Variants in MORC2 observed in about 807,000 individuals in gnomAD.
The protein encoded by MORC2 is MORC family CW-type zinc finger 2, also known as ATPase MORC2.
Under a neutral mutation model 136.0 loss-of-function variants are expected in MORC2, and 30 were observed. That is an observed-to-expected ratio of 0.22 (90% CI 0.17 to 0.30). The LOEUF is 0.30. Ranked by LOEUF, MORC2 falls within the 10% of genes least tolerant of loss-of-function variation. The pLI, the probability that MORC2 is intolerant of heterozygous loss-of-function variation, is 1.00. For missense variants in MORC2, 922 were observed against 1,333.1 expected (o/e 0.69, Z 4.80); for synonymous variants, 439 against 487.0 (o/e 0.90, Z 1.30).
intron 25 of MORC2, among the ~76,000 whole-genome samples, chr22:30,927,100 T>C (rs1286486609): frequency 6.6e-6 from 1 of 151,926 alleles, no homozygotes; most frequent in African/African-American, 2.4e-5. Flanking sequence ...TACCCCATGT[T>C]CCCAATTGTC....
intron 24 of MORC2, among the ~76,000 whole-genome samples, chr22:30,928,478 G>T (rs545617451): frequency 6.6e-6 from 1 of 152,346 alleles, no homozygotes; most frequent in African/African-American, 2.4e-5. Flanking sequence ...GTGAGGACGC[G>T]TGAGGGGCGA....
chr22:30,954,952 A>ATTTTTTT lies in MORC2; in HGVS notation c.157+1804_157+1810dup, dbSNP rs34059352. Among the ~76,000 whole-genome samples, 8 of 105,320 alleles carry ATTTTTTT rather than the reference A, an allele frequency of 7.6e-5. 1 individual carries two copies. Among genetic ancestry groups the ATTTTTTT allele is most frequent in the African/African-American group, 1.1e-4 (3 of 27,126 alleles). The allele number at this position is 105,320 out of a possible 152,430, so 69.1% of individuals were successfully genotyped here. ...AAAGGCACCTCCATCTGGCCTGAGC[A>ATTTTTTT]TTTTTTTTTTTTTTTTTTTTTTTGA... On this transcript the variant is annotated intron_variant, in intron 3 of 25. Coordinates refer to ENST00000397641, the MANE Select transcript of MORC2 (RefSeq NM_001303256.3).
rs1424834448 is a variant in MORC2, at chr22:30,938,151, G to T, written c.1128C>A (p.His376Gln). 1.2e-6 allele frequency: 2 copies of T among 1,614,024 alleles called. No individual in the cohort carries two copies. Among genetic ancestry groups the T allele is most frequent in the Non-Finnish European group, 1.7e-6 (2 of 1,180,004 alleles). ...LNFVFGVNIE[H>Q]RDLDGMFIYN... ...AGATGAACATGCCATCCAGATCCCG[G>T]TGTTCAATGTTGACACCAAAAACAA... Residue 376 changes from histidine to glutamine, a missense_variant, in exon 13 of 26, where the codon CAC (histidine) becomes CAA (glutamine). This residue lies in a region of MORC2 where 16 missense variants were observed against 75.6 expected (regional missense o/e 0.21). Transcript: ENST00000397641.
chr22:30,932,577 G>C lies in MORC2; in HGVS notation c.2715C>G (p.His905Gln). 6.2e-7 allele frequency: 1 copy of C among 1,614,146 alleles called. No homozygotes were observed. The highest frequency in any genetic ancestry group is 8.5e-7 in the Non-Finnish European group (1 of 1,180,026). ...EPDTTALSTN[H>Q]ETIDLLVQIL... ...TCTGGACAAGCAGGTCGATGGTCTC[G>C]TGATTGGTGCTCAGGGCAGTGGTGT... Residue 905 changes from histidine (H) to glutamine (Q), a missense_variant, in exon 23 of 26, where the codon CAC (histidine) becomes CAG (glutamine). Around this residue, in one of 9 missense-constraint regions of MORC2, gnomAD observed 263 missense variants for 388.3 expected, o/e 0.68. Transcript: ENST00000397641. This position sits in a 1 kb window ranked among gnomAD's most constrained non-coding sequence, Gnocchi z 4.4.
intron 2 of MORC2, among the ~76,000 whole-genome samples, chr22:30,958,231 C>A (rs1223785820): frequency 6.6e-6 from 1 of 152,176 alleles, no homozygotes; most frequent in African/African-American, 2.4e-5. Context: ...TGAGAAGACA[C>A]AGAACTTTGG....
chr22:30,933,930 G>C (rs1262841247), intron 20 of MORC2, 130 bp downstream of exon 20: 4 of 1,098,282 alleles, frequency 3.6e-6, no homozygotes, highest in Non-Finnish European at 5.3e-6. Flanking sequence ...CTGGTGGGGG[G>C]GGTAGACTGC....
rs1160671998 is a variant in MORC2, at chr22:30,934,219, A to AG, written c.2194-29dup. ...AGAGCAAGAGGAGCGTGAGGATGTGAGGGGCCCTGTTCAGCCTCTAAGGAG... is the reference window on the plus strand; with the variant it reads ...AGAGCAAGAGGAGCGTGAGGATGTGAGGGGGCCCTGTTCAGCCTCTAAGGAG... On this transcript the variant is annotated intron_variant, in intron 19 of 25. Transcript: ENST00000397641. The surrounding 1 kb of genome is among the most constrained non-coding windows in gnomAD (Gnocchi z 4.4). 6.2e-7 allele frequency: 1 copy of AG among 1,613,894 alleles called. No homozygotes were observed. The highest frequency in any genetic ancestry group is 1.3e-5 in the African/African-American group (1 of 75,016).
chr22:30,959,985 G>C (rs1602511635), intron 1 of MORC2, among the ~76,000 whole-genome samples: 1 of 152,112 alleles, frequency 6.6e-6, no homozygotes, highest in South Asian at 2.1e-4. Flanking sequence ...TTTTGTTTTT[G>C]AGACAGAGTT....
At chr22:30,961,221 T>A (rs1200057888) in intron 1 of MORC2, among the ~76,000 whole-genome samples, 7 of 150,946 alleles carry the variant, frequency 4.6e-5, no homozygotes, top group South Asian at 4.2e-4. Context: ...AGTAAAAATT[T>A]AAAAAAAAAA....
At chr22:30,942,864 G>A (rs1280453258) in intron 6 of MORC2, among the ~76,000 whole-genome samples, 1 of 152,096 alleles carries the variant, frequency 6.6e-6, no homozygotes, top group East Asian at 1.9e-4. Context: ...AATTAGCCGG[G>A]CGTGGCAGCG....
At chr22:30,935,413 A>T in intron 17 of MORC2, 91 bp from the exon 18 acceptor site, 1 of 1,308,782 alleles carries the variant, frequency 7.6e-7, no homozygotes, top group Non-Finnish European at 1.1e-6. Context: ...GGGACAAAAA[A>T]AATAGAAAAC....
chr22:30,927,982 G>A, intron 25 of MORC2, 37 bp downstream of exon 25: 1 of 1,610,392 alleles, frequency 6.2e-7, no homozygotes, highest in South Asian at 1.1e-5. Context: ...TGAGAGACCA[G>A]GTGGTCCAGC....
intron 2 of MORC2, 25 bp from the exon 3 acceptor site, chr22:30,956,822 A>G: frequency 6.6e-7 from 1 of 1,520,462 alleles, no homozygotes; most frequent in Non-Finnish European, 8.9e-7. Context: ...GAAAAGAATC[A>G]TGTGAATTAA....
chr22:30,954,952 ATTTTTTT>A (rs34059352), intron 3 of MORC2, among the ~76,000 whole-genome samples: 2,106 of 105,318 alleles, frequency 0.02, 64 homozygotes, highest in African/African-American at 0.074. Context: ...TGGCCTGAGC[ATTTTTTT>A]TTTTTTTTTT....
chr22:30,933,102 G>A, intron 21 of MORC2, 72 bp from the exon 22 acceptor site: 3 of 1,588,898 alleles, frequency 1.9e-6, no homozygotes, highest in Non-Finnish European at 2.6e-6. Context: ...GCCACATCGA[G>A]AAAGGCAGTC....
Position 30,953,850 on chromosome 22 carries a change from CT to C in MORC2, c.157+2912del, listed in dbSNP as rs549580085. Among the ~76,000 whole-genome samples, 12 of 152,156 alleles carry C rather than the reference CT, an allele frequency of 7.9e-5. No homozygotes were observed. The East Asian group carries it at 2.1e-3, about 27-fold the overall frequency. On this transcript the variant is annotated intron_variant, in intron 3 of 25. Coordinates refer to ENST00000397641, the MANE Select transcript of MORC2 (RefSeq NM_001303256.3). ...TTGAGAGGCTGGCTCCTTTTTTGCCCTTTTTAGGTTTAAAAATGGTCTTTAA... is the reference window on the plus strand; with the variant it reads ...TTGAGAGGCTGGCTCCTTTTTTGCCCTTTTAGGTTTAAAAATGGTCTTTAA...
intron 12 of MORC2, 130 bp from the exon 13 acceptor site, chr22:30,938,335 G>T: frequency 9.6e-7 from 1 of 1,037,096 alleles, no homozygotes; most frequent in Non-Finnish European, 1.4e-6. Context: ...TATTTGATGT[G>T]TAACCTGTTA....
chr22:30,955,944 T>C (rs1365044496), intron 3 of MORC2, among the ~76,000 whole-genome samples: 1 of 149,704 alleles, frequency 6.7e-6, no homozygotes, highest in Non-Finnish European at 1.5e-5. Context: ...GAGATGGAGG[T>C]TGCAGTGAGG....
Position 30,933,043 on chromosome 22 carries a change from A to T in MORC2, c.2381-13T>A. ...TGCAGCCCTTTATCTGACAATGTAG[A>T]CAGAGGTGCGAGTCAGAAAACTAGC... On this transcript the variant is annotated splice_polypyrimidine_tract_variant and intron_variant, in intron 21 of 25. Coordinates refer to ENST00000397641, the MANE Select transcript of MORC2 (RefSeq NM_001303256.3). The T allele has an allele frequency of 6.2e-7, 1 of 1,613,454 alleles. No homozygotes were observed. Among genetic ancestry groups the T allele is most frequent in the Non-Finnish European group, 8.5e-7 (1 of 1,179,960 alleles).
Sources: allele counts gnomAD v4.1 joint callset (sites outside exome capture counted in the v4.1 genomes callset), GRCh38; gene constraint gnomAD v4.1.1; regional missense constraint gnomAD v4.1.1; non-coding constraint Gnocchi (gnomAD v3.1); transcripts MANE v1.5; gene names NCBI Gene and HGNC (gene_info 2026-07-23, HGNC 2026-07-21).